The following PCDHGB6 variants were observed in gnomAD, a reference collection of about 807,000 sequenced individuals.
PCDHGB6 encodes protocadherin gamma-B6.
Under a neutral mutation model 59.1 loss-of-function variants are expected in PCDHGB6, and 51 were observed. The observed-to-expected ratio is 0.86, with a 90% CI of 0.69 to 1.09. The LOEUF is 1.09. Ranked by LOEUF, PCDHGB6 falls within the 50% of genes least tolerant of loss-of-function variation. The probability of loss-of-function intolerance (pLI) is 0.00; values close to 1 mark genes in which losing one functional copy is unlikely to be tolerated. For synonymous variants in PCDHGB6, 466 were observed against 495.1 expected, an observed-to-expected ratio of 0.94 and a Z score of 0.78; for missense variants, 1,148 against 1,205.1, an observed-to-expected ratio of 0.95 and a Z score of 0.70.
intron 1 of PCDHGB6, among the ~76,000 whole-genome samples, chr5:141,464,983 C>G (rs1294132264): frequency 6.6e-6 from 1 of 152,050 alleles, no homozygotes; most frequent in African/African-American, 2.4e-5. Flanking sequence ...TTCAAGTGAT[C>G]CTCCCACCTC....
intron 1 of PCDHGB6, chr5:141,433,049 C>A (rs1418118305): frequency 6.2e-7 from 1 of 1,614,110 alleles, no homozygotes; most frequent in Admixed American, 1.7e-5. Flanking sequence ...CACGGACTCG[C>A]GGAAGAGTCA....
chr5:141,456,536 G>A (rs1231730255), intron 1 of PCDHGB6, among the ~76,000 whole-genome samples: 1 of 152,158 alleles, frequency 6.6e-6, no homozygotes, highest in Non-Finnish European at 1.5e-5. Flanking sequence ...AATTAAAGAG[G>A]GATTGTAGCC....
Position 141,498,971 on chromosome 5 carries a change from GGGAAGGAAGGAAGGAAGGAAGGAA to G in PCDHGB6, c.2477+4140_2477+4163del, listed in dbSNP as rs201769957. 5.1e-3 allele frequency among the ~76,000 whole-genome samples: 569 copies of G among 111,048 alleles called. 6 individuals carry two copies. Among genetic ancestry groups the G allele is most frequent in the South Asian group, 0.024 (65 of 2,658 alleles). 72.9% of individuals were successfully genotyped at this position (111,048 alleles called of 152,430 possible). A position where few individuals can be genotyped will look rare whatever the true frequency, so the allele number is the denominator to read the frequency against. On this transcript the variant is annotated intron_variant, in intron 2 of 3. Coordinates refer to ENST00000520790, the MANE Select transcript of PCDHGB6 (RefSeq NM_018926.3). ...AAAAAGAGAGAGAGGGAGGGAGGGA[GGGAAGGAAGGAAGGAAGGAAGGAA>G]GGAAGGAAGGAAGGAAGGAAGGAAG...
chr5:141,492,458 G>A (rs1333043781), intron 1 of PCDHGB6, among the ~76,000 whole-genome samples: 1 of 152,230 alleles, frequency 6.6e-6, no homozygotes, highest in Non-Finnish European at 1.5e-5. Flanking sequence ...GTGCGCGCCT[G>A]AGGGTCCCAG....
chr5:141,450,006 C>CTTTT (rs1554136305), intron 1 of PCDHGB6, among the ~76,000 whole-genome samples: 4 of 132,984 alleles, frequency 3.0e-5, no homozygotes, highest in South Asian at 2.3e-4. Flanking sequence ...TGCCATGTCT[C>CTTTT]TTTTTTTTTT....
Position 141,485,422 on chromosome 5 carries a change from C to G in PCDHGB6, c.2419-9385C>G, listed in dbSNP as rs775279056. 6.2e-7 allele frequency: 1 copy of G among 1,614,130 alleles called. No homozygotes were observed. Among genetic ancestry groups the G allele is most frequent in the East Asian group, 2.2e-5 (1 of 44,872 alleles). ...TCCGTGTGGATTTGGACAGCGGAGC[C>G]CTGCTCATCAAGAACCCAATCGACC... On this transcript the variant is annotated intron_variant, in intron 1 of 3. Transcript: ENST00000520790. The surrounding 1 kb of genome is among the most constrained non-coding windows in gnomAD (Gnocchi z 5.7).
At chr5:141,421,119 C>A (rs542039688) in intron 1 of PCDHGB6, 2 of 772,768 alleles carry the variant, frequency 2.6e-6, no homozygotes, top group South Asian at 1.9e-5. Flanking sequence ...TATTTTCCTT[C>A]GCTTTCTGAT....
At chr5:141,433,401 A>ATCTATCTATCTC (rs1444244130) in intron 1 of PCDHGB6, among the ~76,000 whole-genome samples, 15 of 150,598 alleles carry the variant, frequency 1.0e-4, no homozygotes, top group African/African-American at 3.4e-4. Flanking sequence ...CTATCTATCT[A>ATCTATCTATCTC]TCTATTACTT....
chr5:141,415,147 C>T (rs779194230), intron 1 of PCDHGB6: 17 of 1,613,668 alleles, frequency 1.1e-5, no homozygotes, highest in African/African-American at 1.3e-5. Context: ...CCAGCCCCCT[C>T]TCTCCGCCAC....
chr5:141,433,047 C>T (rs1561867159), intron 1 of PCDHGB6: 1 of 1,614,046 alleles, frequency 6.2e-7, no homozygotes, highest in African/African-American at 1.3e-5. Flanking sequence ...ACCACGGACT[C>T]GCGGAAGAGT....
rs1421541308 is a variant in PCDHGB6 at position 141,409,559 on chromosome 5, G to A, written c.1357G>A (p.Asp453Asn). 6.2e-7 allele frequency: 1 copy of A among 1,613,936 alleles called. No homozygotes were observed. The highest frequency in any genetic ancestry group is 1.7e-5 in the Admixed American group (1 of 60,038). Residue 453 changes from aspartate (D) to asparagine (N), a missense_variant, in exon 1 of 4, where the codon GAC (aspartate) becomes AAC (asparagine). Asp to Asn is a conservative substitution (Grantham distance 23). Transcript: ENST00000520790. ...CATCAACGACAACGCCCCAGTTTTCGACCAGACGTCCTACGTGGTCCACGT... is the reference window on the plus strand; with the variant it reads ...CATCAACGACAACGCCCCAGTTTTCAACCAGACGTCCTACGTGGTCCACGT... ...ADINDNAPVFDQTSYVVHVAE... is the reference protein window; with the variant it reads ...ADINDNAPVFNQTSYVVHVAE...
Position 141,486,697 on chromosome 5 carries a change from C to G in PCDHGB6, c.2419-8110C>G. 1 of 1,614,176 alleles carries G rather than the reference C, an allele frequency of 6.2e-7. No individual in the cohort carries two copies. The highest frequency in any genetic ancestry group is 8.5e-7 in the Non-Finnish European group (1 of 1,180,032). ...GAGATGTATCAGCTTCCTCTTTCATCTCTCTGAACCCCCAGACAGGAGCTG... is the reference window on the plus strand; with the variant it reads ...GAGATGTATCAGCTTCCTCTTTCATGTCTCTGAACCCCCAGACAGGAGCTG... On this transcript the variant is annotated intron_variant, in intron 1 of 3. Coordinates refer to ENST00000520790, the MANE Select transcript of PCDHGB6 (RefSeq NM_018926.3). The surrounding 1 kb of genome is among the most constrained non-coding windows in gnomAD (Gnocchi z 5.0).
At chr5:141,440,763 T>A (rs2098198978) in intron 1 of PCDHGB6, 1 of 152,138 alleles carries the variant, frequency 6.6e-6, no homozygotes, top group Admixed American at 6.6e-5. Flanking sequence ...AGAGCTCCCA[T>A]CCCTTAGTGC....
intron 1 of PCDHGB6, chr5:141,418,005 A>G: frequency 6.2e-7 from 1 of 1,613,764 alleles, no homozygotes. Flanking sequence ...GTGGTGGGGA[A>G]CCTCGCTAAG....
chr5:141,440,780 C>T (rs748247053), intron 1 of PCDHGB6: 1 of 152,158 alleles, frequency 6.6e-6, no homozygotes, highest in African/African-American at 2.4e-5. Flanking sequence ...GTGCTAGCAG[C>T]CTTAGACGGC....
At chr5:141,427,570 C>T (rs1487817661) in intron 1 of PCDHGB6, 1 of 662,270 alleles carries the variant, frequency 1.5e-6, no homozygotes, top group Admixed American at 2.1e-5. Context: ...GGCAAGCCTC[C>T]GCTCTCATCC....
In PCDHGB6 at chr5:141,477,928, C is replaced by T; in HGVS notation, c.2419-16879C>T. On this transcript the variant is annotated intron_variant, in intron 1 of 3. Coordinates refer to ENST00000520790, the MANE Select transcript of PCDHGB6 (RefSeq NM_018926.3). This position sits in a 1 kb window ranked among gnomAD's most constrained non-coding sequence, Gnocchi z 4.9. ...GGGACGCGGATGCAGGGCACAATGC[C>T]TGGCTCTCCTACAGTCTCTTGGGAT... The T allele has an allele frequency of 6.2e-7, 1 of 1,614,186 alleles. No individual in the cohort carries two copies.
chr5:141,481,351 A>G (rs2099536232), intron 1 of PCDHGB6, among the ~76,000 whole-genome samples: 1 of 152,152 alleles, frequency 6.6e-6, no homozygotes, highest in Non-Finnish European at 1.5e-5. Context: ...TTAAACATCT[A>G]CAGCTGTTCA....
At chr5:141,500,326 A>T (rs1041431019) in intron 2 of PCDHGB6, among the ~76,000 whole-genome samples, 7 of 152,022 alleles carry the variant, frequency 4.6e-5, no homozygotes, top group Non-Finnish European at 1.0e-4. Context: ...CTCCTGCCTC[A>T]GCCTCCAGAA....
Sources: gnomAD v4.1 joint callset for allele counts (sites outside exome capture counted in the v4.1 genomes callset) on GRCh38, gnomAD v4.1.1 for gene constraint, Gnocchi (gnomAD v3.1) non-coding constraint, MANE v1.5 for transcripts, NCBI Gene and HGNC (gene_info 2026-07-23, HGNC 2026-07-21) for gene names.